TIAM2: variants seen among roughly 807,000 people sequenced by gnomAD.
TIAM2 encodes rho guanine nucleotide exchange factor TIAM2.
Under a neutral mutation model 152.9 loss-of-function variants are expected in TIAM2, and 80 were observed. The observed-to-expected ratio is 0.52, with a 90% CI of 0.44 to 0.63. TIAM2 has a LOEUF of 0.63. TIAM2 is among the 30% of genes least tolerant of loss of function. The pLI is 0.00. For synonymous variants in TIAM2, 804 were observed against 838.0 expected (o/e 0.96, Z 0.70); for missense variants, 1,965 against 2,120.1 (o/e 0.93, Z 1.44).
At chr6:155,119,042 CTT>C (rs967041869) in intron 2 of TIAM2, among the ~76,000 whole-genome samples, 7 of 143,972 alleles carry the variant, frequency 4.9e-5, no homozygotes, top group Admixed American at 6.9e-5. Flanking sequence ...CTTTCCCTTT[CTT>C]TTTTTTTTTT....
chr6:155,120,014 A>C (rs1779114763), intron 2 of TIAM2, among the ~76,000 whole-genome samples: 1 of 152,228 alleles, frequency 6.6e-6, no homozygotes, highest in Non-Finnish European at 1.5e-5. Flanking sequence ...CCACGGCTTG[A>C]TCAGCCTTCT....
intron 1 of TIAM2, among the ~76,000 whole-genome samples, chr6:155,017,803 C>G (rs1232256807): frequency 4.6e-5 from 7 of 152,024 alleles, no homozygotes; most frequent in Admixed American, 4.6e-4. Context: ...ACGCCTGACT[C>G]TCCCTTTTGT....
intron 14 of TIAM2, among the ~76,000 whole-genome samples, chr6:155,184,414 G>A (rs968104409): frequency 1.3e-5 from 2 of 152,198 alleles, no homozygotes; most frequent in African/African-American, 2.4e-5. Flanking sequence ...TCATTTGAAG[G>A]TCTGAAGTTT....
chr6:155,036,829 GCTGGTCTCGAACTC>G (rs59846724), intron 1 of TIAM2, among the ~76,000 whole-genome samples: 61,352 of 151,530 alleles, frequency 0.4, 13,932 homozygotes, highest in Non-Finnish European at 0.5. Context: ...TGTTGGTTAG[GCTGGTCTCGAACTC>G]CTGACCTCAG....
chr6:155,250,833 G>A (rs1464007337), intron 21 of TIAM2, 80 bp from the exon 22 acceptor site: 5 of 1,393,176 alleles, frequency 3.6e-6, no homozygotes, highest in South Asian at 1.2e-5. Flanking sequence ...AGCAATGACT[G>A]TGTGTACATC....
At chr6:155,045,872 T>TTTTTTTC (rs1777163708) in intron 1 of TIAM2, among the ~76,000 whole-genome samples, 3 of 114,622 alleles carry the variant, frequency 2.6e-5, no homozygotes, top group Non-Finnish European at 3.6e-5. Context: ...GGTTTTTGTT[T>TTTTTTTC]GTTTGTTTTA....
chr6:155,091,421 A>G (rs1778303137), intron 2 of TIAM2, among the ~76,000 whole-genome samples: 2 of 152,198 alleles, frequency 1.3e-5, no homozygotes, highest in South Asian at 4.1e-4. Context: ...GTCTGAATGT[A>G]TGAGTTGAAC....
chr6:155,188,109 G>A lies in TIAM2; in HGVS notation c.3064+4609G>A, dbSNP rs1459501992. The stretch of plus-strand genomic sequence containing the variant: ...ATGAGATAATGTGTGCAAAGTTCCC[G>A]GCACATGATCTCTGTTGCGCATGTG... On this transcript the variant is annotated intron_variant, in intron 14 of 26. Transcript: ENST00000682666. Among the ~76,000 whole-genome samples the A allele has an allele frequency of 2.6e-5, 4 of 152,284 alleles. No homozygotes were observed. In the East Asian group the frequency reaches 5.8e-4, roughly 22 times the overall value.
At chr6:155,041,781 C>T (rs1777052626) in intron 1 of TIAM2, among the ~76,000 whole-genome samples, 1 of 152,194 alleles carries the variant, frequency 6.6e-6, no homozygotes, top group African/African-American at 2.4e-5. Flanking sequence ...TAGGTTTTCT[C>T]TCTTCATCTG....
chr6:155,243,967 T>G lies in TIAM2; in HGVS notation c.3349-44T>G, dbSNP rs767327201. ...TGCTACCCAAATCTCATGGGTATTT[T>G]GGAGACTAAAGCGTTGAAGACACTT... is the stretch of plus-strand genomic sequence containing the variant. On this transcript the variant is annotated intron_variant, in intron 16 of 26. Coordinates refer to ENST00000682666, the MANE Select transcript of TIAM2 (RefSeq NM_012454.4). 39 of 1,575,648 alleles carry G rather than the reference T, an allele frequency of 2.5e-5. No individual in the cohort carries two copies. In the Admixed American group the frequency reaches 5.4e-4, roughly 22 times the overall value.
At chr6:155,231,070 G>A (rs905267310) in intron 15 of TIAM2, among the ~76,000 whole-genome samples, 2 of 151,732 alleles carry the variant, frequency 1.3e-5, no homozygotes, top group African/African-American at 2.4e-5. Context: ...TCAGACTCCT[G>A]ACATCAAGTG....
At position 155,221,022 on chromosome 6, in the gene TIAM2, C is replaced by T. The variant is rs570985540; in HGVS notation, c.3168+9715C>T. The stretch of plus-strand genomic sequence containing the variant: ...CGAGACATGTGGTGTTTGGTTCTTT[C>T]CCCTGCTGTTTTCTGTGCCACAGTA... On this transcript the variant is annotated intron_variant, in intron 15 of 26. Coordinates refer to ENST00000682666, the MANE Select transcript of TIAM2 (RefSeq NM_012454.4). Among the ~76,000 whole-genome samples, 4 of 151,054 alleles carry T rather than the reference C, an allele frequency of 2.6e-5. No individual in the cohort carries two copies. In the South Asian group the frequency reaches 8.4e-4, roughly 32 times the overall value.
chr6:155,168,616 C>T (rs1780500282), intron 9 of TIAM2, among the ~76,000 whole-genome samples: 1 of 151,984 alleles, frequency 6.6e-6, no homozygotes, highest in Non-Finnish European at 1.5e-5. Context: ...CTCAGCCTCC[C>T]AAAGTGCTGG....
intron 3 of TIAM2, among the ~76,000 whole-genome samples, chr6:155,128,038 C>T (rs1426780903): frequency 1.3e-5 from 2 of 152,104 alleles, no homozygotes; most frequent in Non-Finnish European, 2.9e-5. Flanking sequence ...ATGGTTTCTT[C>T]TTTCCTCCCT....
At chr6:155,200,869 C>T (rs913450713) in intron 14 of TIAM2, among the ~76,000 whole-genome samples, 1 of 152,030 alleles carries the variant, frequency 6.6e-6, no homozygotes, top group Admixed American at 6.5e-5. Context: ...TGCCACTGCA[C>T]ACCAGCCTGG....
At chr6:155,055,364 T>G (rs1777422658) in intron 1 of TIAM2, among the ~76,000 whole-genome samples, 1 of 152,220 alleles carries the variant, frequency 6.6e-6, no homozygotes, top group Non-Finnish European at 1.5e-5. Context: ...TGCCGATTAC[T>G]TGTGAAGTTC....
chr6:155,182,367 G>A (rs1336553129), intron 13 of TIAM2, 49 bp downstream of exon 13: 1 of 1,453,764 alleles, frequency 6.9e-7, no homozygotes. Flanking sequence ...TGAAACTGTG[G>A]GATACAGTCT....
intron 1 of TIAM2, among the ~76,000 whole-genome samples, chr6:155,085,362 G>A (rs916680112): frequency 2.0e-5 from 3 of 152,142 alleles, no homozygotes; most frequent in Non-Finnish European, 4.4e-5. Context: ...GAAGGGCACA[G>A]GGTAAGTAGT....
At chr6:155,242,288 A>T (rs368140285) in intron 16 of TIAM2, among the ~76,000 whole-genome samples, 3 of 152,322 alleles carry the variant, frequency 2.0e-5, no homozygotes, top group African/African-American at 7.2e-5. Flanking sequence ...GTTGTGATTC[A>T]CACACACACC....
Sources: allele counts gnomAD v4.1 joint callset (sites outside exome capture counted in the v4.1 genomes callset), GRCh38; gene constraint gnomAD v4.1.1; transcripts MANE v1.5; gene names NCBI Gene and HGNC (gene_info 2026-07-23, HGNC 2026-07-21).